Variants in CACNA1E observed in about 807,000 individuals in gnomAD.
CACNA1E encodes the protein calcium voltage-gated channel subunit alpha1 E, also known as voltage-dependent R-type calcium channel subunit alpha-1E.
Under a neutral mutation model 259.2 loss-of-function variants are expected in CACNA1E, and 40 were observed. That is an observed-to-expected ratio of 0.15 (90% CI 0.12 to 0.20). The LOEUF (loss-of-function observed/expected upper bound fraction) is 0.20. CACNA1E is among the 10% of genes least tolerant of loss of function. CACNA1E has a pLI of 1.00. For missense variants in CACNA1E, 1,874 were observed against 3,040.1 expected (o/e 0.62, Z 9.02); for synonymous variants, 1,104 against 1,138.5 (o/e 0.97, Z 0.61).
chr1:181,696,413 G>A (rs879671459), intron 7 of CACNA1E, among the ~76,000 whole-genome samples: 2 of 152,118 alleles, frequency 1.3e-5, no homozygotes, highest in Non-Finnish European at 2.9e-5. Context: ...ATTTTTCTGA[G>A]CAGCATTAGG....
intron 1 of CACNA1E, among the ~76,000 whole-genome samples, chr1:181,502,988 T>A (rs1216447712): frequency 6.6e-6 from 1 of 152,212 alleles, no homozygotes; most frequent in East Asian, 1.9e-4. Flanking sequence ...CGTGAGCCAC[T>A]GTGCCTGGCC....
chr1:181,584,264 TCTTA>T (rs796338888), intron 6 of CACNA1E, among the ~76,000 whole-genome samples: 44 of 152,340 alleles, frequency 2.9e-4, no homozygotes, highest in African/African-American at 9.6e-4. Context: ...TTATTTCTCT[TCTTA>T]CTTACTGTTG....
At chr1:181,600,207 C>A (rs566428037) in intron 6 of CACNA1E, among the ~76,000 whole-genome samples, 378 of 152,206 alleles carry the variant, frequency 2.5e-3, no homozygotes, top group Non-Finnish European at 4.6e-3. Flanking sequence ...GGTTGCTTGG[C>A]AGGTTCAGGG....
At chr1:181,630,391 CA>C (rs370206237) in intron 6 of CACNA1E, among the ~76,000 whole-genome samples, 3,443 of 149,748 alleles carry the variant, frequency 0.023, 151 homozygotes, top group African/African-American at 0.072. Flanking sequence ...CATGCCCCCC[CA>C]CCCCGCCTTA....
intron 24 of CACNA1E, 115 bp from the exon 25 acceptor site, chr1:181,739,032 A>T: frequency 2.6e-6 from 2 of 755,642 alleles, no homozygotes. Context: ...AGGTCCTAGC[A>T]TAGGGTTGGT....
At chr1:181,790,036 G>A (rs574135942) in intron 43 of CACNA1E, among the ~76,000 whole-genome samples, 3 of 152,274 alleles carry the variant, frequency 2.0e-5, no homozygotes, top group South Asian at 4.1e-4. Flanking sequence ...TTCTTACTGC[G>A]AGTAGGGAAA....
intron 7 of CACNA1E, among the ~76,000 whole-genome samples, chr1:181,665,562 A>T (rs915208669): frequency 1.3e-5 from 2 of 152,194 alleles, no homozygotes; most frequent in Admixed American, 1.3e-4. Flanking sequence ...ATGATGGTTA[A>T]CAGTAAGGCA....
chr1:181,448,839 C>T (rs1411653457), intron 2 of CACNA1E, among the ~76,000 whole-genome samples: 1 of 152,232 alleles, frequency 6.6e-6, no homozygotes, highest in African/African-American at 2.4e-5. Context: ...CAAGCCTCCT[C>T]TGTCCTGCTC....
At chr1:181,517,703 G>A (rs1666695818) in intron 3 of CACNA1E, among the ~76,000 whole-genome samples, 2 of 152,130 alleles carry the variant, frequency 1.3e-5, no homozygotes, top group African/African-American at 4.8e-5. Flanking sequence ...CTTCTCGCCA[G>A]TGGCACATGC....
chr1:181,347,448 C>T (rs1395517583), intron 1 of CACNA1E, among the ~76,000 whole-genome samples: 1 of 152,150 alleles, frequency 6.6e-6, no homozygotes, highest in Non-Finnish European at 1.5e-5. Context: ...AATCAATGTG[C>T]AGCTTGTTTC....
intron 6 of CACNA1E, among the ~76,000 whole-genome samples, chr1:181,581,520 A>C (rs996377335): frequency 6.6e-6 from 1 of 152,170 alleles, no homozygotes; most frequent in Non-Finnish European, 1.5e-5. Context: ...ACATGATCAG[A>C]CATGTTGAGA....
At chr1:181,656,205 G>A (rs1472494186) in intron 7 of CACNA1E, among the ~76,000 whole-genome samples, 2 of 152,044 alleles carry the variant, frequency 1.3e-5, no homozygotes, top group Admixed American at 6.5e-5. Context: ...ACAGTCTGAG[G>A]CAGGTTCCTC....
At chr1:181,699,176 A>C (rs1651991485) in intron 7 of CACNA1E, among the ~76,000 whole-genome samples, 1 of 152,198 alleles carries the variant, frequency 6.6e-6, no homozygotes, top group Non-Finnish European at 1.5e-5. Context: ...GAACGTTCTG[A>C]TGCCTTTATC....
intron 6 of CACNA1E, among the ~76,000 whole-genome samples, chr1:181,614,434 C>T (rs1171678241): frequency 1.3e-5 from 2 of 152,206 alleles, no homozygotes; most frequent in African/African-American, 4.8e-5. Context: ...TTGCTCTAAA[C>T]ACAGTGAAAA....
intron 1 of CACNA1E, among the ~76,000 whole-genome samples, chr1:181,508,932 G>A (rs1665942860): frequency 6.6e-6 from 1 of 152,124 alleles, no homozygotes; most frequent in African/African-American, 2.4e-5. Flanking sequence ...TCTGTTTTTA[G>A]TTCCGGTGGC....
intron 7 of CACNA1E, among the ~76,000 whole-genome samples, chr1:181,702,132 C>A (rs1452448829): frequency 6.6e-6 from 1 of 152,108 alleles, no homozygotes; most frequent in East Asian, 1.9e-4. Flanking sequence ...ATATACACAG[C>A]TGAATTCCTG....
At chr1:181,659,950 G>A (rs1374665292) in intron 7 of CACNA1E, among the ~76,000 whole-genome samples, 4 of 152,292 alleles carry the variant, frequency 2.6e-5, no homozygotes, top group Non-Finnish European at 2.9e-5. Flanking sequence ...GAGATATGCC[G>A]CCAGTGGTAA....
chr1:181,585,652 C>T (rs533709151), intron 6 of CACNA1E, among the ~76,000 whole-genome samples: 51 of 152,266 alleles, frequency 3.3e-4, no homozygotes, highest in African/African-American at 1.2e-3. Flanking sequence ...AGATGGCATT[C>T]GAACAAAGAC....
At chr1:181,599,575 T>C (rs1241421183) in intron 6 of CACNA1E, among the ~76,000 whole-genome samples, 1 of 152,260 alleles carries the variant, frequency 6.6e-6, no homozygotes, top group African/African-American at 2.4e-5. Flanking sequence ...TGTGTGACCA[T>C]TTATTAAGTT....
Sources: allele counts gnomAD v4.1 joint callset (sites outside exome capture counted in the v4.1 genomes callset), GRCh38; gene constraint gnomAD v4.1.1; transcripts MANE v1.5; gene names NCBI Gene and HGNC (gene_info 2026-07-23, HGNC 2026-07-21).